EPC2: variants seen among roughly 807,000 people sequenced by gnomAD.
EPC2 encodes the protein enhancer of polycomb homolog 2.
EPC2 carries 14 observed loss-of-function variants against 92.1 expected under a neutral mutation model. That is an observed-to-expected ratio of 0.15 (90% CI 0.10 to 0.24). The LOEUF is 0.24. Among genes scored for constraint, EPC2 ranks in the 10% least tolerant of loss-of-function variants. EPC2 has a pLI of 1.00. For missense variants in EPC2, 755 were observed against 971.5 expected (o/e 0.78, Z 2.96); for synonymous variants, 340 against 334.7 (o/e 1.02, Z -0.17).
At chr2:148,665,203 T>G (rs1681033888) in intron 1 of EPC2, among the ~76,000 whole-genome samples, 2 of 152,218 alleles carry the variant, frequency 1.3e-5, no homozygotes, top group South Asian at 4.1e-4. Context: ...TTTTCATATA[T>G]AGGTATCTTG....
intron 1 of EPC2, among the ~76,000 whole-genome samples, chr2:148,677,962 A>G (rs1431108859): frequency 6.6e-6 from 1 of 152,054 alleles, no homozygotes; most frequent in African/African-American, 2.4e-5. Context: ...CGAAAGAACA[A>G]AGCTTCCACA....
chr2:148,772,640 G>T (rs1246691636), intron 10 of EPC2, among the ~76,000 whole-genome samples: 1 of 152,136 alleles, frequency 6.6e-6, no homozygotes, highest in Non-Finnish European at 1.5e-5. Context: ...ATCCAAATTG[G>T]TTGGTTAATT....
At chr2:148,692,041 A>G (rs1015229185) in intron 2 of EPC2, 3 of 321,512 alleles carry the variant, frequency 9.3e-6, no homozygotes, top group Non-Finnish European at 1.8e-5. Context: ...GTTCTTTGTA[A>G]TTTGTTCCCG....
At chr2:148,680,088 C>T (rs1447241279) in intron 1 of EPC2, among the ~76,000 whole-genome samples, 1 of 145,840 alleles carries the variant, frequency 6.9e-6, no homozygotes, top group Non-Finnish European at 1.5e-5. Flanking sequence ...TTCTCAAGCC[C>T]CTTTTTTTTT....
At chr2:148,729,055 AAAG>A (rs1682564416) in intron 2 of EPC2, among the ~76,000 whole-genome samples, 1 of 147,754 alleles carries the variant, frequency 6.8e-6, no homozygotes, top group Non-Finnish European at 1.5e-5. Flanking sequence ...AAAAAAAAAA[AAAG>A]CAAACTTGGA....
chr2:148,732,407 G>A (rs1319006753), intron 2 of EPC2, among the ~76,000 whole-genome samples: 1 of 139,098 alleles, frequency 7.2e-6, no homozygotes, highest in Non-Finnish European at 1.5e-5. Flanking sequence ...TTGAGATGTA[G>A]TCTCATTCTG....
At chr2:148,698,907 G>C in intron 2 of EPC2, among the ~76,000 whole-genome samples, 1 of 148,202 alleles carries the variant, frequency 6.7e-6, no homozygotes, top group South Asian at 2.1e-4. Flanking sequence ...TTCACTGACT[G>C]TCATAGAGTA....
rs368817780 is a variant in EPC2, at chr2:148,781,808, G to A, written c.1857+28G>A. The A allele has an allele frequency of 2.3e-5, 37 of 1,611,412 alleles. No homozygotes were observed. In the East Asian group the frequency reaches 4.7e-4, roughly 20 times the overall value. On this transcript the variant is annotated intron_variant, in intron 11 of 13. Transcript: ENST00000258484. ...AAACTGCTCTTTTCGTCATAGTTACGTTTGTTTCTTTCATCATTATGTAGT... is the reference window on the plus strand; with the variant it reads ...AAACTGCTCTTTTCGTCATAGTTACATTTGTTTCTTTCATCATTATGTAGT...
chr2:148,726,322 T>G (rs1188990394), intron 2 of EPC2, among the ~76,000 whole-genome samples: 1 of 152,202 alleles, frequency 6.6e-6, no homozygotes, highest in Non-Finnish European at 1.5e-5. Context: ...AGAAGTGAGA[T>G]TGCTGGATCA....
intron 2 of EPC2, among the ~76,000 whole-genome samples, chr2:148,702,163 A>G (rs1681905405): frequency 6.6e-6 from 1 of 151,918 alleles, no homozygotes; most frequent in South Asian, 2.1e-4. Flanking sequence ...TTGTTTTTGT[A>G]AACTGATTTC....
At chr2:148,686,238 T>A (rs1347335402) in intron 1 of EPC2, among the ~76,000 whole-genome samples, 1 of 152,242 alleles carries the variant, frequency 6.6e-6, no homozygotes, top group Non-Finnish European at 1.5e-5. Context: ...GTAAATTCCA[T>A]CTCAAGAAAC....
intron 2 of EPC2, among the ~76,000 whole-genome samples, chr2:148,720,345 A>G (rs1412302295): frequency 6.6e-6 from 1 of 152,134 alleles, no homozygotes; most frequent in East Asian, 1.9e-4. Context: ...GCCTCTCCCC[A>G]CAGCCTATTG....
chr2:148,780,107 T>C (rs921573958), intron 10 of EPC2, among the ~76,000 whole-genome samples: 1 of 152,222 alleles, frequency 6.6e-6, no homozygotes, highest in African/African-American at 2.4e-5. Context: ...ATTTAACATG[T>C]GCAAAGAAAG....
intron 1 of EPC2, among the ~76,000 whole-genome samples, chr2:148,677,544 T>C (rs922832479): frequency 3.9e-5 from 6 of 152,248 alleles, no homozygotes; most frequent in Admixed American, 2.6e-4. Flanking sequence ...GGTTTGGTGG[T>C]ACGCACTTGT....
chr2:148,780,391 T>G (rs1029670092), intron 10 of EPC2, among the ~76,000 whole-genome samples: 1 of 152,196 alleles, frequency 6.6e-6, no homozygotes, highest in African/African-American at 2.4e-5. Context: ...CATAACTTGT[T>G]ATATCTAATT....
At chr2:148,676,003 C>G (rs1681254471) in intron 1 of EPC2, among the ~76,000 whole-genome samples, 1 of 152,126 alleles carries the variant, frequency 6.6e-6, no homozygotes, top group Non-Finnish European at 1.5e-5. Flanking sequence ...TTGCTGATTT[C>G]TACCAGTGTG....
intron 2 of EPC2, among the ~76,000 whole-genome samples, chr2:148,725,789 G>C (rs1360106754): frequency 6.6e-6 from 1 of 151,706 alleles, no homozygotes; most frequent in Non-Finnish European, 1.5e-5. Flanking sequence ...TTTCACATGT[G>C]GTTTTTTTTA....
At chr2:148,775,900 C>A (rs1683633341) in intron 10 of EPC2, among the ~76,000 whole-genome samples, 1 of 150,206 alleles carries the variant, frequency 6.7e-6, no homozygotes, top group Non-Finnish European at 1.5e-5. Context: ...GCCTCAGCCT[C>A]CCAAGTAGCT....
chr2:148,649,392 C>G (rs899252352), intron 1 of EPC2, among the ~76,000 whole-genome samples: 5 of 152,200 alleles, frequency 3.3e-5, no homozygotes, highest in Admixed American at 2.0e-4. Flanking sequence ...TTTTGTTTTA[C>G]TGTAGATTAG....
Sources: allele counts gnomAD v4.1 joint callset (sites outside exome capture counted in the v4.1 genomes callset), GRCh38; gene constraint gnomAD v4.1.1; transcripts MANE v1.5; gene names NCBI Gene and HGNC (gene_info 2026-07-23, HGNC 2026-07-21).